ANO5: variants seen among roughly 807,000 people sequenced by gnomAD.
The protein encoded by ANO5 is anoctamin 5, also known as anoctamin-5.
In ANO5, 109 loss-of-function variants were observed where a neutral mutation model predicts 121.0. The observed-to-expected ratio is 0.90, with a 90% confidence interval of 0.77 to 1.06. The LOEUF (loss-of-function observed/expected upper bound fraction) is 1.06, where lower values mean the gene tolerates loss of function less well. ANO5 is among the 50% of genes least tolerant of loss of function. ANO5 has a pLI of 0.00. For missense variants in ANO5, 1,064 were observed against 1,078.5 expected, an observed-to-expected ratio of 0.99 and a Z score of 0.19; for synonymous variants, 406 against 359.9, an observed-to-expected ratio of 1.13 and a Z score of -1.45.
chr11:22,214,968 C>A lies in ANO5; in HGVS notation c.139-3278C>A, dbSNP rs79502603. ...AAAATAGTGAAAAGTGAATGAGTAC[C>A]TAAATGATTACAGAGATTGTCAGTA... On this transcript the variant is annotated intron_variant, in intron 3 of 21. Coordinates refer to ENST00000324559, the MANE Select transcript of ANO5 (RefSeq NM_213599.3). 0.014 allele frequency among the ~76,000 whole-genome samples: 2,056 copies of A among 151,818 alleles called. 152 individuals carry two copies. In the East Asian group the frequency reaches 0.21, roughly 16 times the overall value.
At chr11:22,225,422 A>C (rs1226694241) in intron 5 of ANO5, among the ~76,000 whole-genome samples, 1 of 152,066 alleles carries the variant, frequency 6.6e-6, no homozygotes, top group Admixed American at 6.6e-5. Flanking sequence ...ACAACACTGT[A>C]CTCCAGCCCG....
chr11:22,267,170 A>G (rs1854395097), intron 17 of ANO5, among the ~76,000 whole-genome samples: 1 of 152,142 alleles, frequency 6.6e-6, no homozygotes, highest in Admixed American at 6.5e-5. Context: ...ACTGATAAAA[A>G]GTTATATGGA....
At chr11:22,212,853 C>T (rs75602642) in intron 3 of ANO5, among the ~76,000 whole-genome samples, 2 of 149,042 alleles carry the variant, frequency 1.3e-5, no homozygotes, top group Non-Finnish European at 3.0e-5. Context: ...TTTTGGAGCT[C>T]TTTATATATA....
intron 9 of ANO5, among the ~76,000 whole-genome samples, chr11:22,248,061 A>C (rs934454792): frequency 1.3e-5 from 2 of 152,158 alleles, no homozygotes; most frequent in African/African-American, 4.8e-5. Flanking sequence ...TTGTAAAAAT[A>C]AGTCATTTTA....
At position 22,259,650 on chromosome 11, in the gene ANO5, C is replaced by A. The variant is rs1218929080; in HGVS notation, c.1539C>A (p.Thr513=). Reference sequence around the variant, plus strand: ...AAAGCTTCCTTACTCCTCAGATAACCACATCACTCACAGGATCATGCTTGA... The same window carrying A: ...AAAGCTTCCTTACTCCTCAGATAACAACATCACTCACAGGATCATGCTTGA... ...QVKSFLTPQI[T]TSLTGSCLNF... is the part of the protein sequence containing the mutation. The change falls in exon 15 of 22, where the codon ACC becomes ACA. Residue 513 remains threonine (T), a synonymous_variant. Coordinates refer to ENST00000324559, the MANE Select transcript of ANO5 (RefSeq NM_213599.3). The A allele has an allele frequency of 2.5e-6, 4 of 1,613,964 alleles. No homozygotes were observed. In the South Asian group the frequency reaches 4.4e-5, roughly 18 times the overall value.
Position 22,203,784 on chromosome 11 carries a change from C to T in ANO5, c.41-20C>T. 7.1e-7 allele frequency: 1 copy of T among 1,415,146 alleles called. No individual in the cohort carries two copies. The highest frequency in any genetic ancestry group is 9.9e-7 in the Non-Finnish European group (1 of 1,007,324). The allele number at this position is 1,415,146 out of a possible 1,614,324, so 87.7% of individuals were successfully genotyped here. ...TCAGTGGCTAATTTAACATGTTTTT[C>T]TCTTTCTTATTTAATTTAGGGGAAA... On this transcript the variant is annotated intron_variant, in intron 1 of 21. Coordinates refer to ENST00000324559, the MANE Select transcript of ANO5 (RefSeq NM_213599.3).
intron 9 of ANO5, among the ~76,000 whole-genome samples, chr11:22,250,019 G>A (rs1466879481): frequency 1.3e-5 from 2 of 151,926 alleles, no homozygotes; most frequent in East Asian, 1.9e-4. Flanking sequence ...TTTAATCCTT[G>A]TATCAGTCCT....
At chr11:22,196,853 G>C (rs983082279) in intron 1 of ANO5, among the ~76,000 whole-genome samples, 13 of 152,066 alleles carry the variant, frequency 8.5e-5, no homozygotes, top group South Asian at 4.2e-4. Context: ...TGGTGACAGA[G>C]TGAGACTCCG....
intron 2 of ANO5, among the ~76,000 whole-genome samples, chr11:22,206,234 G>T (rs1052620465): frequency 1.3e-5 from 2 of 152,114 alleles, no homozygotes; most frequent in Non-Finnish European, 1.5e-5. Context: ...TAAAATATTA[G>T]CAAATAAAAT....
chr11:22,205,647 C>A (rs1852096060), intron 2 of ANO5, among the ~76,000 whole-genome samples: 1 of 151,760 alleles, frequency 6.6e-6, no homozygotes, highest in Admixed American at 6.6e-5. Context: ...CAATTGAAAA[C>A]CAGAAAGTAT....
At chr11:22,219,009 A>G (rs1852553435) in intron 4 of ANO5, among the ~76,000 whole-genome samples, 1 of 152,108 alleles carries the variant, frequency 6.6e-6, no homozygotes. Flanking sequence ...ATATATTTAT[A>G]TTATGTTTTG....
intron 14 of ANO5, 93 bp from the exon 15 acceptor site, chr11:22,259,426 T>C (rs961156657): frequency 2.3e-6 from 3 of 1,311,036 alleles, no homozygotes; most frequent in African/African-American, 2.9e-5. Flanking sequence ...AAACTTCATA[T>C]AATGAGATGA....
chr11:22,211,009 G>A (rs1852259765), intron 2 of ANO5, among the ~76,000 whole-genome samples: 1 of 151,796 alleles, frequency 6.6e-6, no homozygotes, highest in Admixed American at 6.6e-5. Context: ...TCTCTCTGAA[G>A]CTCACTCTCT....
chr11:22,265,279 G>A (rs1464917347), intron 17 of ANO5, among the ~76,000 whole-genome samples: 1 of 152,096 alleles, frequency 6.6e-6, no homozygotes, highest in African/African-American at 2.4e-5. Context: ...CTCATCAATA[G>A]CATTAGATGC....
At chr11:22,271,295 G>C (rs995796382) in intron 18 of ANO5, among the ~76,000 whole-genome samples, 2 of 152,006 alleles carry the variant, frequency 1.3e-5, no homozygotes, top group East Asian at 1.9e-4. Context: ...TGATTCTCCC[G>C]CCTCGGCCTC....
chr11:22,251,124 A>C, intron 12 of ANO5, 113 bp downstream of exon 12: 1 of 1,112,284 alleles, frequency 9.0e-7, no homozygotes, highest in Non-Finnish European at 1.3e-6. Context: ...GTTTTAGATC[A>C]TTGTGTCTTT....
Position 22,193,141 on chromosome 11 carries a change from C to G in ANO5, c.-352C>G, listed in dbSNP as rs952120326. 1 of 1,110,294 alleles carries G rather than the reference C, an allele frequency of 9.0e-7. No individual in the cohort carries two copies. Among genetic ancestry groups the G allele is most frequent in the Non-Finnish European group, 1.1e-6 (1 of 904,178 alleles). The allele number at this position is 1,110,294 out of a possible 1,614,324, so 68.8% of individuals were successfully genotyped here. A position where few individuals can be genotyped will look rare whatever the true frequency, so the allele number is the denominator to read the frequency against. On this transcript the variant is annotated 5_prime_UTR_variant, in exon 1 of 22. Coordinates refer to ENST00000324559, the MANE Select transcript of ANO5 (RefSeq NM_213599.3). Reference sequence around the variant, plus strand: ...GGCGGCTGCGGGATCAGCTGCCGAGCAGGCACAGGGACAGGTGCCTGGAGA... The same window carrying G: ...GGCGGCTGCGGGATCAGCTGCCGAGGAGGCACAGGGACAGGTGCCTGGAGA...
chr11:22,271,307 C>T (rs954242948), intron 18 of ANO5, among the ~76,000 whole-genome samples: 3 of 152,174 alleles, frequency 2.0e-5, no homozygotes, highest in Admixed American at 6.5e-5. Flanking sequence ...CTCGGCCTCC[C>T]AAAGTGCTGG....
At position 22,193,189 on chromosome 11, in the gene ANO5, G is replaced by A; in HGVS notation, c.-304G>A. On this transcript the variant is annotated 5_prime_UTR_variant, in exon 1 of 22. Coordinates refer to ENST00000324559, the MANE Select transcript of ANO5 (RefSeq NM_213599.3). The stretch of plus-strand genomic sequence containing the variant: ...AGAAGTACTGGGAGAGCGCCCAGGA[G>A]CGCTACCGGCTGAGGGTGGGGAAGC... The A allele has an allele frequency of 1.6e-6, 2 of 1,261,282 alleles. No homozygotes were observed. Among genetic ancestry groups the A allele is most frequent in the Non-Finnish European group, 1.0e-6 (1 of 989,000 alleles). 78.1% of individuals were successfully genotyped at this position (1,261,282 alleles called of 1,614,324 possible). A position where few individuals can be genotyped will look rare whatever the true frequency, so the allele number is the denominator to read the frequency against.
Sources: allele counts gnomAD v4.1 joint callset (sites outside exome capture counted in the v4.1 genomes callset), GRCh38; gene constraint gnomAD v4.1.1; transcripts MANE v1.5; gene names NCBI Gene and HGNC (gene_info 2026-07-23, HGNC 2026-07-21).